Variants in MACROH2A2 observed in about 807,000 individuals in gnomAD.
The protein encoded by MACROH2A2 is macroH2A.2 histone.
MACROH2A2 carries 6 observed loss-of-function variants against 37.6 expected under a neutral mutation model. The ratio of observed to expected loss-of-function variants is 0.16; its 90% CI spans 0.09 to 0.32. MACROH2A2 has a LOEUF of 0.32. Among genes scored for constraint, MACROH2A2 ranks in the 10% least tolerant of loss-of-function variants. MACROH2A2 has a pLI of 1.00. For synonymous variants in MACROH2A2, 192 were observed against 202.7 expected (o/e 0.95, Z 0.45); for missense variants, 290 against 485.9 (o/e 0.60, Z 3.79).
chr10:70,090,390 C>T (rs2072237475), intron 3 of MACROH2A2, among the ~76,000 whole-genome samples: 1 of 152,218 alleles, frequency 6.6e-6, no homozygotes, highest in Non-Finnish European at 1.5e-5. Context: ...TCTTATCAGA[C>T]CTTTCTTTTC....
intron 2 of MACROH2A2, among the ~76,000 whole-genome samples, chr10:70,088,645 G>C (rs1450974138): frequency 6.6e-6 from 1 of 152,242 alleles, no homozygotes; most frequent in African/African-American, 2.4e-5. Flanking sequence ...TGGGAAGTAT[G>C]TGGAAGACCC....
Position 70,095,793 on chromosome 10 carries a change from G to A in MACROH2A2, c.688+40G>A, listed in dbSNP as rs764005900. On this transcript the variant is annotated intron_variant, in intron 6 of 8. Transcript: ENST00000373255. ...CTTCAGTAGAAGTGCCATAGAATAG[G>A]CCACTGTTCAGGCAAGTTCTTGTGA... 4 of 965,942 alleles carry A rather than the reference G, an allele frequency of 4.1e-6. No homozygotes were observed. The Admixed American group carries it at 6.9e-5, about 17-fold the overall frequency. The allele number at this position is 965,942 out of a possible 1,614,324, so 59.8% of individuals were successfully genotyped here.
At chr10:70,082,155 C>T (rs1175970769) in intron 2 of MACROH2A2, among the ~76,000 whole-genome samples, 1 of 152,218 alleles carries the variant, frequency 6.6e-6, no homozygotes, top group Non-Finnish European at 1.5e-5. Context: ...CGCAGTGGCT[C>T]ACGCCTGTAA....
intron 1 of MACROH2A2, among the ~76,000 whole-genome samples, chr10:70,056,197 C>A (rs2072015321): frequency 6.6e-6 from 1 of 152,038 alleles, no homozygotes; most frequent in Non-Finnish European, 1.5e-5. Flanking sequence ...ATTATTGATA[C>A]CCATCCATAA....
chr10:70,056,865 C>T (rs2072020435), intron 1 of MACROH2A2, among the ~76,000 whole-genome samples: 1 of 152,058 alleles, frequency 6.6e-6, no homozygotes. Context: ...TCTGTGACTA[C>T]CTTAAATTCT....
intron 6 of MACROH2A2, among the ~76,000 whole-genome samples, chr10:70,096,772 CT>C (rs1269600338): frequency 6.6e-6 from 1 of 152,200 alleles, no homozygotes; most frequent in Non-Finnish European, 1.5e-5. Context: ...TCAGCCCTGG[CT>C]GGTAGCACCA....
At chr10:70,056,626 G>A (rs1453324225) in intron 1 of MACROH2A2, among the ~76,000 whole-genome samples, 2 of 152,178 alleles carry the variant, frequency 1.3e-5, no homozygotes, top group Non-Finnish European at 1.5e-5. Flanking sequence ...AGGGTGTTGG[G>A]CTAGGCTTCA....
intron 3 of MACROH2A2, 79 bp from the exon 4 acceptor site, chr10:70,091,673 CAAAAA>C (rs571416539): frequency 7.8e-4 from 544 of 693,464 alleles, no homozygotes; most frequent in Non-Finnish European, 9.5e-4. Flanking sequence ...GATTCTGTAT[CAAAAA>C]AAAAAAAAAA....
Position 70,100,265 on chromosome 10 carries a change from G to T in MACROH2A2, c.746G>T (p.Arg249Leu). The T allele has an allele frequency of 6.2e-7, 1 of 1,610,506 alleles. No homozygotes were observed. The highest frequency in any genetic ancestry group is 8.5e-7 in the Non-Finnish European group (1 of 1,177,200). The change falls in exon 7 of 9, where the codon CGC becomes CTC. Residue 249 changes from arginine (R) to leucine (L), a missense_variant. Physicochemically the swap from Arg to Leu is moderately radical, Grantham distance 102. Around this residue, in one of 3 missense-constraint regions of MACROH2A2, gnomAD observed 130 missense variants for 257.1 expected, o/e 0.51. Transcript: ENST00000373255. ...KEFLETVKEL[R>L]KSQGPLEVAE... ...TTCTTGGAAACGGTAAAGGAGCTTC[G>T]CAAATCCCAAGGCCCTTTGGAAGTC...
chr10:70,101,745 A>C (rs1229036820), intron 7 of MACROH2A2, among the ~76,000 whole-genome samples: 1 of 152,188 alleles, frequency 6.6e-6, no homozygotes, highest in Non-Finnish European at 1.5e-5. Flanking sequence ...AAATGGGATC[A>C]TGCAATATAT....
intron 1 of MACROH2A2, among the ~76,000 whole-genome samples, chr10:70,056,437 C>G (rs1276729826): frequency 2.0e-5 from 3 of 152,174 alleles, no homozygotes; most frequent in African/African-American, 7.2e-5. Flanking sequence ...TGCCACCATG[C>G]CCGGCCAAGT....
At chr10:70,104,853 C>A (rs552669245) in intron 7 of MACROH2A2, among the ~76,000 whole-genome samples, 2 of 152,310 alleles carry the variant, frequency 1.3e-5, no homozygotes, top group Admixed American at 6.5e-5. Context: ...CAGCTCCAGG[C>A]TGACAGCAGT....
intron 5 of MACROH2A2, 126 bp downstream of exon 5, chr10:70,093,971 A>C (rs1301769472): frequency 3.4e-6 from 2 of 585,888 alleles, no homozygotes; most frequent in Non-Finnish European, 6.2e-6. Context: ...TGAATTATTC[A>C]TTTTTAAACT....
At chr10:70,078,023 C>A (rs1197532674) in intron 2 of MACROH2A2, among the ~76,000 whole-genome samples, 2 of 152,208 alleles carry the variant, frequency 1.3e-5, no homozygotes, top group African/African-American at 2.4e-5. Context: ...TACACTACCC[C>A]AATATTTGTG....
intron 1 of MACROH2A2, among the ~76,000 whole-genome samples, chr10:70,067,940 T>C (rs191117180): frequency 6.6e-6 from 1 of 152,212 alleles, no homozygotes; most frequent in African/African-American, 2.4e-5. Context: ...AGATAGAGAC[T>C]GTCTAAAAAT....
chr10:70,061,443 A>T (rs1475877013), intron 1 of MACROH2A2, among the ~76,000 whole-genome samples: 2 of 152,252 alleles, frequency 1.3e-5, no homozygotes, highest in Non-Finnish European at 2.9e-5. Flanking sequence ...CATAAGGCCA[A>T]TAATAAAGAA....
chr10:70,071,355 A>G (rs2072109391), intron 1 of MACROH2A2, among the ~76,000 whole-genome samples: 2 of 152,172 alleles, frequency 1.3e-5, no homozygotes, highest in Admixed American at 1.3e-4. Context: ...GAGCCTGTGT[A>G]GGCTCTTAAG....
chr10:70,091,673 C>CAAAAAAAAA, intron 3 of MACROH2A2, 84 bp from the exon 4 acceptor site: 1 of 694,020 alleles, frequency 1.4e-6, no homozygotes, highest in Admixed American at 3.2e-5. Flanking sequence ...GATTCTGTAT[C>CAAAAAAAAA]AAAAAAAAAA....
intron 1 of MACROH2A2, among the ~76,000 whole-genome samples, chr10:70,058,894 C>T (rs1417835870): frequency 6.6e-6 from 1 of 152,026 alleles, no homozygotes; most frequent in Non-Finnish European, 1.5e-5. Context: ...TTAAGTCCCC[C>T]GTCCCCCCAC....
Sources: gnomAD v4.1 joint callset for allele counts (sites outside exome capture counted in the v4.1 genomes callset) on GRCh38, gnomAD v4.1.1 for gene constraint, gnomAD v4.1.1 regional missense constraint, MANE v1.5 for transcripts, NCBI Gene and HGNC (gene_info 2026-07-23, HGNC 2026-07-21) for gene names.